COL11A1: variants seen among roughly 807,000 people sequenced by gnomAD.
The protein encoded by COL11A1 is collagen alpha-1(XI) chain.
COL11A1 carries 74 observed loss-of-function variants against 265.2 expected under a neutral mutation model. The observed-to-expected ratio is 0.28, with a 90% CI of 0.23 to 0.34. The LOEUF is 0.34. COL11A1 is among the 10% of genes least tolerant of loss of function. The pLI is 1.00. For missense variants in COL11A1, 2,165 were observed against 2,263.6 expected (o/e 0.96, Z 0.88); for synonymous variants, 816 against 727.6 (o/e 1.12, Z -1.96).
At chr1:102,896,669 A>G (rs1652474711) in intron 57 of COL11A1, among the ~76,000 whole-genome samples, 1 of 152,176 alleles carries the variant, frequency 6.6e-6, no homozygotes, top group Admixed American at 6.5e-5. Flanking sequence ...GTAAACTCAC[A>G]TTTATTTAAA....
chr1:102,979,196 C>A, intron 32 of COL11A1, 92 bp from the exon 33 acceptor site: 12 of 1,290,906 alleles, frequency 9.3e-6, no homozygotes, highest in Non-Finnish European at 1.2e-5. Context: ...GAACATCATT[C>A]ATTCATTCAT....
chr1:102,914,142 T>C (rs1191886996), intron 52 of COL11A1, among the ~76,000 whole-genome samples: 1 of 152,254 alleles, frequency 6.6e-6, no homozygotes, highest in South Asian at 2.1e-4. Flanking sequence ...GTTGTACCTA[T>C]GTTGCATGAA....
intron 1 of COL11A1, among the ~76,000 whole-genome samples, chr1:103,101,446 A>T (rs758765969): frequency 1.3e-5 from 2 of 151,984 alleles, no homozygotes; most frequent in Admixed American, 6.6e-5. Context: ...AAGAGCACCA[A>T]GTATGAAAAT....
At chr1:103,101,777 G>A (rs972503432) in intron 1 of COL11A1, among the ~76,000 whole-genome samples, 2 of 151,570 alleles carry the variant, frequency 1.3e-5, no homozygotes, top group African/African-American at 2.4e-5. Flanking sequence ...GATTGCAAAA[G>A]TTAATTGTGC....
Position 102,970,458 on chromosome 1 carries a change from C to A in COL11A1, c.2809-186G>T, listed in dbSNP as rs542931186. Reference sequence around the variant, plus strand: ...CTTCAATATAATTCTGTAGCTATAGCTGAAACCAAAATAAAATAGTTGAAC... The same window carrying A: ...CTTCAATATAATTCTGTAGCTATAGATGAAACCAAAATAAAATAGTTGAAC... On this transcript the variant is annotated intron_variant, in intron 36 of 66. Coordinates refer to ENST00000370096, the MANE Select transcript of COL11A1 (RefSeq NM_001854.4). Among the ~76,000 whole-genome samples, 10 of 152,170 alleles carry A rather than the reference C, an allele frequency of 6.6e-5. No individual in the cohort carries two copies. The East Asian group carries it at 1.9e-3, about 29-fold the overall frequency.
At chr1:102,957,463 A>C (rs2101534151) in intron 41 of COL11A1, among the ~76,000 whole-genome samples, 1 of 152,164 alleles carries the variant, frequency 6.6e-6, no homozygotes, top group Middle Eastern at 3.4e-3. Context: ...TTTCCCTAGC[A>C]ATCCAGAAAT....
intron 57 of COL11A1, among the ~76,000 whole-genome samples, chr1:102,896,698 T>TC (rs1652478156): frequency 6.6e-6 from 1 of 152,166 alleles, no homozygotes; most frequent in Admixed American, 6.6e-5. Context: ...ATACAAAAGT[T>TC]TGTATGCCAA....
rs2101851346 is a variant in COL11A1, at chr1:103,005,898, AACC to A, written c.1792-10_1792-8del. 6.5e-7 allele frequency: 1 copy of A among 1,533,994 alleles called. No individual in the cohort carries two copies. Among genetic ancestry groups the A allele is most frequent in the East Asian group, 2.4e-5 (1 of 40,954 alleles). On this transcript the variant is annotated splice_region_variant and splice_polypyrimidine_tract_variant and intron_variant, in intron 17 of 66. Coordinates refer to ENST00000370096, the MANE Select transcript of COL11A1 (RefSeq NM_001854.4). ...CATCAAACCCTCGATCTCCCTGTAA[AACC>A]ATCATCATCATCATCATCATCATCA... is the stretch of plus-strand genomic sequence containing the variant.
chr1:103,060,661 A>G (rs1670602553), intron 4 of COL11A1, among the ~76,000 whole-genome samples: 1 of 152,254 alleles, frequency 6.6e-6, no homozygotes, highest in Admixed American at 6.5e-5. Context: ...AATAGGTGTA[A>G]GTTCATATTT....
intron 37 of COL11A1, 133 bp downstream of exon 37, chr1:102,970,086 G>A (rs1661815655): frequency 1.8e-6 from 1 of 558,410 alleles, no homozygotes; most frequent in Non-Finnish European, 3.2e-6. Context: ...TTCAATAAAA[G>A]GCTTAATGGA....
intron 53 of COL11A1, among the ~76,000 whole-genome samples, chr1:102,913,123 G>T (rs1654889906): frequency 6.6e-6 from 1 of 152,146 alleles, no homozygotes; most frequent in African/African-American, 2.4e-5. Context: ...AGGGACCATT[G>T]TCTTTGGCTC....
chr1:102,952,962 TCAACA>T (rs1660030268), intron 41 of COL11A1, among the ~76,000 whole-genome samples: 1 of 152,224 alleles, frequency 6.6e-6, no homozygotes, highest in Admixed American at 6.5e-5. Flanking sequence ...AACTCCATGT[TCAACA>T]CTAATGAGAA....
In COL11A1 at chr1:103,087,243, A is replaced by T. The variant is rs1300297881; in HGVS notation, c.107-4271T>A. On this transcript the variant is annotated intron_variant, in intron 1 of 66. Transcript: ENST00000370096. Reference sequence around the variant, plus strand: ...TCCAATTCAGCACAATGTTTTGTTCAATTATATTTTCCTGTCCTTTATTGA... The same window carrying T: ...TCCAATTCAGCACAATGTTTTGTTCTATTATATTTTCCTGTCCTTTATTGA... Among the ~76,000 whole-genome samples, 3 of 152,210 alleles carry T rather than the reference A, an allele frequency of 2.0e-5. No individual in the cohort carries two copies. The East Asian group carries it at 5.8e-4, about 29-fold the overall frequency.
intron 7 of COL11A1, among the ~76,000 whole-genome samples, chr1:103,023,750 T>TA (rs1013638968): frequency 6.6e-6 from 1 of 152,122 alleles, no homozygotes; most frequent in Non-Finnish European, 1.5e-5. Context: ...ATCCCATAAA[T>TA]AAAATAATAA....
Position 102,923,490 on chromosome 1 carries a change from T to C in COL11A1, c.3601-101A>G, listed in dbSNP as rs1656227147. ...AAAATCAAGTATAAAGTTCAATAAG[T>C]ACATGGAAATTAAGATTCAGATACT... On this transcript the variant is annotated intron_variant, in intron 46 of 66. Coordinates refer to ENST00000370096, the MANE Select transcript of COL11A1 (RefSeq NM_001854.4). 6 of 856,592 alleles carry C rather than the reference T, an allele frequency of 7.0e-6. No individual in the cohort carries two copies. The South Asian group carries it at 8.1e-5, about 12-fold the overall frequency. 53.1% of individuals were successfully genotyped at this position (856,592 alleles called of 1,614,324 possible). A position where few individuals can be genotyped will look rare whatever the true frequency, so the allele number is the denominator to read the frequency against.
chr1:103,036,566 A>G (rs1668388414), intron 4 of COL11A1, among the ~76,000 whole-genome samples: 1 of 151,614 alleles, frequency 6.6e-6, no homozygotes, highest in Non-Finnish European at 1.5e-5. Flanking sequence ...GTCATAAAAT[A>G]TACTAGAAAG....
intron 4 of COL11A1, among the ~76,000 whole-genome samples, chr1:103,069,045 T>C (rs71655804): frequency 0.037 from 5,650 of 151,838 alleles, 120 homozygotes; most frequent in Middle Eastern, 0.094. Flanking sequence ...CCACAACTTC[T>C]TGTAGAAGTT....
At chr1:102,878,259 G>A in intron 66 of COL11A1, 94 bp from the exon 67 acceptor site, 1 of 1,146,838 alleles carries the variant, frequency 8.7e-7, no homozygotes. Context: ...GAGGTAAGAA[G>A]CTGAGAGAGA....
At chr1:102,985,052 G>A (rs1015519916) in intron 30 of COL11A1, among the ~76,000 whole-genome samples, 1 of 151,386 alleles carries the variant, frequency 6.6e-6, no homozygotes, top group Admixed American at 6.6e-5. Flanking sequence ...GATAAAAAAA[G>A]AATTGAATAA....
Sources: gnomAD v4.1 joint callset for allele counts (sites outside exome capture counted in the v4.1 genomes callset) on GRCh38, gnomAD v4.1.1 for gene constraint, MANE v1.5 for transcripts, NCBI Gene and HGNC (gene_info 2026-07-23, HGNC 2026-07-21) for gene names.